HADH: variants seen among roughly 807,000 people sequenced by gnomAD.
HADH encodes the protein hydroxyacyl-CoA dehydrogenase, also known as hydroxyacyl-coenzyme A dehydrogenase, mitochondrial.
HADH carries 24 observed loss-of-function variants against 32.2 expected under a neutral mutation model. The ratio of observed to expected loss-of-function variants is 0.75; its 90% CI spans 0.54 to 1.05. The LOEUF is 1.05. Ranked by LOEUF, HADH falls within the 50% of genes least tolerant of loss-of-function variation. The pLI is 0.00. For missense variants in HADH, 350 were observed against 397.1 expected, an observed-to-expected ratio of 0.88 and a Z score of 1.01; for synonymous variants, 139 against 152.5, an observed-to-expected ratio of 0.91 and a Z score of 0.65.
chr4:108,029,435 G>C (rs990917016), intron 6 of HADH: 1 of 152,324 alleles, frequency 6.6e-6, no homozygotes, highest in African/African-American at 2.4e-5. Context: ...GTCTTTTCCT[G>C]ACTGGTCCCC....
chr4:108,022,187 GTATGTGTGTGTGTA>G (rs1208579321), intron 4 of HADH, among the ~76,000 whole-genome samples: 1 of 142,736 alleles, frequency 7.0e-6, no homozygotes. Flanking sequence ...GTGTGTGTGT[GTATGTGTGTGTGTA>G]TGTGTGTGTG....
intron 5 of HADH, chr4:108,027,011 G>A (rs1407800279): frequency 6.3e-6 from 1 of 158,674 alleles, no homozygotes; most frequent in African/African-American, 2.4e-5. Context: ...GAGGTCTTAG[G>A]GGGTGTGCCG....
rs1198676930 is a variant in HADH, at chr4:108,015,442, T to C, written c.419+854T>C. ...CTAGTGTGTCTTTTTTTGAAAAATA[T>C]CTGTTCATGACCCCTGGACATTCTT... On this transcript the variant is annotated intron_variant, in intron 3 of 7. Transcript: ENST00000309522. Among the ~76,000 whole-genome samples the C allele has an allele frequency of 1.3e-5, 2 of 152,210 alleles. 1 individual carries two copies. The highest frequency in any genetic ancestry group is 2.9e-5 in the Non-Finnish European group (2 of 68,030).
intron 1 of HADH, among the ~76,000 whole-genome samples, chr4:108,002,756 T>C (rs1269892825): frequency 6.6e-6 from 1 of 152,234 alleles, no homozygotes; most frequent in Non-Finnish European, 1.5e-5. Flanking sequence ...GCTGATGATC[T>C]TGATCTCTGT....
chr4:108,027,926 A>G (rs897596396), intron 6 of HADH, 166 bp downstream of exon 6: 32 of 660,112 alleles, frequency 4.8e-5, no homozygotes, highest in Non-Finnish European at 7.9e-5. Context: ...TACCTTTTTC[A>G]CTGTTTTCCC....
intron 3 of HADH, among the ~76,000 whole-genome samples, chr4:108,018,182 G>A (rs1735757131): frequency 6.6e-6 from 1 of 152,136 alleles, no homozygotes; most frequent in African/African-American, 2.4e-5. Flanking sequence ...TTTTCTTAAC[G>A]GGAGTGTGGA....
Position 108,027,769 on chromosome 4 carries a change from C to G in HADH, c.709+9C>G. ...CAGGCTGTATGAACGAGGTATCCTT[C>G]TGACCCAGGCCAGGAGCAGCAGACC... On this transcript the variant is annotated intron_variant, in intron 6 of 7. Coordinates refer to ENST00000309522, the MANE Select transcript of HADH (RefSeq NM_005327.7). The G allele has an allele frequency of 6.4e-7, 1 of 1,554,228 alleles. No homozygotes were observed. Among genetic ancestry groups the G allele is most frequent in the Non-Finnish European group, 8.9e-7 (1 of 1,125,408 alleles).
chr4:108,019,976 T>TGGGACCACACAGAG (rs2126232337), intron 4 of HADH, among the ~76,000 whole-genome samples: 1 of 152,334 alleles, frequency 6.6e-6, no homozygotes, highest in South Asian at 2.1e-4. Flanking sequence ...GTGGGCTGGA[T>TGGGACCACACAGAG]GGGACCACAC....
Position 108,028,097 on chromosome 4 carries a change from T to C in HADH, c.709+337T>C. 5.4e-6 allele frequency: 2 copies of C among 373,200 alleles called. 1 individual carries two copies. The highest frequency in any genetic ancestry group is 1.1e-4 in the East Asian group (2 of 18,982). 23.1% of individuals were successfully genotyped at this position (373,200 alleles called of 1,614,324 possible). On this transcript the variant is annotated intron_variant, in intron 6 of 7. Transcript: ENST00000309522. ...TTACTGCTTTTAAAAATAATCATAA[T>C]GTAAAAATCACTAGGCTAGGAGATC...
intron 6 of HADH, chr4:108,032,097 TTCTC>T (rs941638812): frequency 1.2e-5 from 5 of 402,066 alleles, no homozygotes; most frequent in African/African-American, 1.0e-4. Flanking sequence ...TTTAAGTAGT[TTCTC>T]TCTGAGTGTC....
At chr4:108,024,654 AC>A (rs1472651692) in intron 5 of HADH, 3 of 152,144 alleles carry the variant, frequency 2.0e-5, no homozygotes, top group Non-Finnish European at 4.4e-5. Context: ...AGATTTCTAA[AC>A]TCATATTAAT....
intron 1 of HADH, 129 bp from the exon 2 acceptor site, chr4:108,009,629 GT>G (rs1194599898): frequency 6.3e-5 from 48 of 760,710 alleles, no homozygotes; most frequent in Admixed American, 1.6e-4. Flanking sequence ...TGTTCACTCG[GT>G]ATTTTGAATG....
At chr4:107,991,562 T>TAC (rs1734812561) in intron 1 of HADH, among the ~76,000 whole-genome samples, 2 of 150,524 alleles carry the variant, frequency 1.3e-5, no homozygotes, top group African/African-American at 5.0e-5. Context: ...TCTGAGACCA[T>TAC]AATTTTGGAC....
chr4:107,990,124 T>C, intron 1 of HADH, 60 bp downstream of exon 1: 1 of 1,543,240 alleles, frequency 6.5e-7, no homozygotes, highest in Non-Finnish European at 8.7e-7. Flanking sequence ...AGGTGGAAGC[T>C]CTGGCGCGAC....
Position 108,001,414 on chromosome 4 carries a change from A to G in HADH, c.133-8345A>G, listed in dbSNP as rs146579341. ...TTAGAAGATCAAGAGAGGTCAATTA[A>G]TATGGCTAAAAGGAACAGACAGATA... is the stretch of plus-strand genomic sequence containing the variant. On this transcript the variant is annotated intron_variant, in intron 1 of 7. Transcript: ENST00000309522. Among the ~76,000 whole-genome samples the G allele has an allele frequency of 2.0e-4, 30 of 152,376 alleles. No homozygotes were observed. The East Asian group carries it at 5.0e-3, about 25-fold the overall frequency.
intron 1 of HADH, 54 bp from the exon 2 acceptor site, chr4:108,009,705 G>C: frequency 1.9e-6 from 3 of 1,570,160 alleles, no homozygotes; most frequent in Admixed American, 1.7e-5. Context: ...GTGTGTGCGC[G>C]TGCGTGTTAT....
At chr4:108,028,979 T>C in intron 6 of HADH, 1 of 398,590 alleles carries the variant, frequency 2.5e-6, no homozygotes, top group Non-Finnish European at 4.4e-6. Flanking sequence ...GAGCAGGACC[T>C]GGCCTCAGGA....
At chr4:108,014,038 G>T (rs1178770331) in intron 2 of HADH, among the ~76,000 whole-genome samples, 1 of 152,154 alleles carries the variant, frequency 6.6e-6, no homozygotes, top group East Asian at 1.9e-4. Context: ...AGTCACAGGA[G>T]AAAAATGAGG....
At chr4:108,000,919 G>A (rs902678910) in intron 1 of HADH, among the ~76,000 whole-genome samples, 2 of 152,192 alleles carry the variant, frequency 1.3e-5, no homozygotes, top group Non-Finnish European at 2.9e-5. Flanking sequence ...CATGTGATAA[G>A]TACTAAGGGC....
Sources: gnomAD v4.1 joint callset for allele counts (sites outside exome capture counted in the v4.1 genomes callset) on GRCh38, gnomAD v4.1.1 for gene constraint, MANE v1.5 for transcripts, NCBI Gene and HGNC (gene_info 2026-07-23, HGNC 2026-07-21) for gene names.